KDM4C: variants seen among roughly 807,000 people sequenced by gnomAD.
The protein encoded by KDM4C is lysine-specific demethylase 4C.
KDM4C carries 81 observed loss-of-function variants against 129.3 expected under a neutral mutation model. That is an observed-to-expected ratio of 0.63 (90% confidence interval 0.52 to 0.75). The LOEUF (loss-of-function observed/expected upper bound fraction) is 0.75. Ranked by LOEUF, KDM4C falls within the 30% of genes least tolerant of loss-of-function variation. KDM4C has a pLI of 0.00. For synonymous variants in KDM4C, 573 were observed against 456.1 expected (o/e 1.26, Z -3.26); for missense variants, 1,457 against 1,304.0 (o/e 1.12, Z -1.81).
intron 1 of KDM4C, among the ~76,000 whole-genome samples, chr9:6,723,272 G>A (rs1460542601): frequency 6.6e-6 from 1 of 152,126 alleles, no homozygotes; most frequent in African/African-American, 2.4e-5. Flanking sequence ...CTACTCGGGA[G>A]GCTGAGGTAT....
At position 6,990,533 on chromosome 9, in the gene KDM4C, G is replaced by T; in HGVS notation, c.1786+9G>T. 1 of 1,535,868 alleles carries T rather than the reference G, an allele frequency of 6.5e-7. No homozygotes were observed. The highest frequency in any genetic ancestry group is 1.2e-5 in the South Asian group (1 of 82,648). ...GGCGCCAAGTGATGAAGGTGAGATGGTGACCCTTTTTGGGATTTTTTTTTT... is the reference window on the plus strand; with the variant it reads ...GGCGCCAAGTGATGAAGGTGAGATGTTGACCCTTTTTGGGATTTTTTTTTT... On this transcript the variant is annotated intron_variant, in intron 12 of 21. Transcript: ENST00000381309.
intron 5 of KDM4C, among the ~76,000 whole-genome samples, chr9:6,855,795 G>A (rs1314182817): frequency 2.0e-5 from 3 of 152,218 alleles, no homozygotes; most frequent in Non-Finnish European, 2.9e-5. Context: ...GTTATATGGT[G>A]CCAAATTGAT....
intron 19 of KDM4C, among the ~76,000 whole-genome samples, chr9:7,133,707 G>A (rs1026326786): frequency 1.3e-5 from 2 of 152,188 alleles, no homozygotes; most frequent in African/African-American, 4.8e-5. Context: ...CACAGATCCA[G>A]TAGGACATGG....
chr9:7,003,811 A>T (rs1462401284), intron 12 of KDM4C, among the ~76,000 whole-genome samples: 1 of 152,180 alleles, frequency 6.6e-6, no homozygotes. Context: ...AAAATCACTT[A>T]AATATAGTTT....
At chr9:6,764,002 A>G (rs1224126701) in intron 1 of KDM4C, among the ~76,000 whole-genome samples, 1 of 152,144 alleles carries the variant, frequency 6.6e-6, no homozygotes, top group African/African-American at 2.4e-5. Flanking sequence ...CAGGTGATCC[A>G]TCCGCCTCGG....
intron 5 of KDM4C, among the ~76,000 whole-genome samples, chr9:6,866,592 T>C (rs114274548): frequency 0.011 from 1,658 of 152,224 alleles, 26 homozygotes; most frequent in African/African-American, 0.038. Context: ...TTGAGGGATA[T>C]TTCTTTCTTC....
intron 5 of KDM4C, among the ~76,000 whole-genome samples, chr9:6,871,205 T>G (rs1370113524): frequency 6.6e-6 from 1 of 152,190 alleles, no homozygotes; most frequent in Non-Finnish European, 1.5e-5. Context: ...AAGAGGGCAG[T>G]TCCTAGAGAA....
chr9:6,852,972 G>A (rs148666398), intron 5 of KDM4C, among the ~76,000 whole-genome samples: 37 of 151,728 alleles, frequency 2.4e-4, no homozygotes, highest in Non-Finnish European at 4.3e-4. Flanking sequence ...CTTTCTCCCC[G>A]ACCATCCTCC....
chr9:7,073,960 A>G (rs1420810565), intron 17 of KDM4C, among the ~76,000 whole-genome samples: 1 of 152,226 alleles, frequency 6.6e-6, no homozygotes, highest in African/African-American at 2.4e-5. Flanking sequence ...ATGTGGGCAC[A>G]TGGGTTTTGT....
chr9:6,884,044 G>A (rs1345724345), intron 6 of KDM4C, among the ~76,000 whole-genome samples: 1 of 152,152 alleles, frequency 6.6e-6, no homozygotes, highest in Non-Finnish European at 1.5e-5. Flanking sequence ...CGCGCACCAT[G>A]TCTAGGAGAT....
At chr9:6,804,722 G>T (rs111373891) in intron 2 of KDM4C, among the ~76,000 whole-genome samples, 51 of 149,022 alleles carry the variant, frequency 3.4e-4, no homozygotes, top group African/African-American at 1.1e-3. Context: ...TCGTGCCACT[G>T]CTCCCCAGCC....
At chr9:7,128,460 C>T (rs760149327) in intron 19 of KDM4C, among the ~76,000 whole-genome samples, 39 of 152,266 alleles carry the variant, frequency 2.6e-4, no homozygotes, top group Non-Finnish European at 3.5e-4. Context: ...GCAGCCCTCA[C>T]GACCTAATCA....
intron 19 of KDM4C, among the ~76,000 whole-genome samples, chr9:7,155,066 T>C (rs930241908): frequency 6.6e-6 from 1 of 152,234 alleles, no homozygotes; most frequent in African/African-American, 2.4e-5. Context: ...TTTACATCCT[T>C]TTCTATAATT....
intron 15 of KDM4C, among the ~76,000 whole-genome samples, chr9:7,022,350 C>T (rs1349366458): frequency 6.6e-6 from 1 of 152,006 alleles, no homozygotes; most frequent in Non-Finnish European, 1.5e-5. Context: ...TTATAGTTTT[C>T]ATTGTAGAGA....
chr9:6,829,937 TTTCTGGGGTG>T (rs1200359338), intron 4 of KDM4C, among the ~76,000 whole-genome samples: 1 of 152,242 alleles, frequency 6.6e-6, no homozygotes, highest in Non-Finnish European at 1.5e-5. Context: ...CTGTGTTTTT[TTTCTGGGGTG>T]AATTTATAAA....
At chr9:6,891,197 T>C (rs1846072698) in intron 7 of KDM4C, among the ~76,000 whole-genome samples, 1 of 152,094 alleles carries the variant, frequency 6.6e-6, no homozygotes, top group Non-Finnish European at 1.5e-5. Context: ...GATGAAATAA[T>C]AGGGGCATGG....
Position 6,793,003 on chromosome 9 carries a change from G to C in KDM4C, c.15G>C (p.Glu5Asp). ...CCCTAACCATCATGGAGGTGGCCGA[G>C]GTGGAAAGTCCTCTGAACCCCAGCT... is the stretch of plus-strand genomic sequence containing the variant. MEVAEVESPLNPSCK... is the reference protein window; with the variant it reads MEVADVESPLNPSCK... Residue 5 changes from glutamate to aspartate, a missense_variant, in exon 2 of 22, where the codon GAG becomes GAC. Transcript: ENST00000381309. 6.2e-7 allele frequency: 1 copy of C among 1,614,176 alleles called. No homozygotes were observed. The highest frequency in any genetic ancestry group is 8.5e-7 in the Non-Finnish European group (1 of 1,180,032).
intron 1 of KDM4C, among the ~76,000 whole-genome samples, chr9:6,738,135 A>AAAACT (rs200468678): frequency 0.19 from 26,653 of 142,112 alleles, 2,773 homozygotes; most frequent in Middle Eastern, 0.26. Flanking sequence ...CTCCCTCTCA[A>AAAACT]AAACTAAACT....
At chr9:6,835,465 G>A in intron 4 of KDM4C, 2 of 1,337,052 alleles carry the variant, frequency 1.5e-6, no homozygotes, top group South Asian at 1.2e-5. Context: ...CAAGCACTCT[G>A]TGTGGATTGG....
Sources: allele counts gnomAD v4.1 joint callset (sites outside exome capture counted in the v4.1 genomes callset), GRCh38; gene constraint gnomAD v4.1.1; transcripts MANE v1.5; gene names NCBI Gene and HGNC (gene_info 2026-07-23, HGNC 2026-07-21).